Variants in SUPT3H observed in about 807,000 individuals in gnomAD.
The protein encoded by SUPT3H is SPT3 homolog, SAGA and STAGA complex component, also known as transcription initiation protein SPT3 homolog.
In SUPT3H, 44 loss-of-function variants were observed where a neutral mutation model predicts 44.3. The observed-to-expected ratio is 0.99, with a 90% CI of 0.78 to 1.28. The LOEUF is 1.28. Among genes scored for constraint, SUPT3H ranks in the 50% most tolerant of loss-of-function variants. The pLI, the probability that SUPT3H is intolerant of heterozygous loss-of-function variation, is 0.00. For missense variants in SUPT3H, 380 were observed against 387.1 expected (o/e 0.98, Z 0.15); for synonymous variants, 124 against 125.6 (o/e 0.99, Z 0.09).
intron 10 of SUPT3H, among the ~76,000 whole-genome samples, chr6:44,831,690 A>G (rs1768779444): frequency 6.6e-6 from 1 of 152,168 alleles, no homozygotes; most frequent in Non-Finnish European, 1.5e-5. Context: ...CCTTCTAAAC[A>G]TACAGTGTTG....
chr6:45,076,947 T>A (rs1284338742), intron 3 of SUPT3H, among the ~76,000 whole-genome samples: 2 of 152,188 alleles, frequency 1.3e-5, no homozygotes, highest in African/African-American at 4.8e-5. Flanking sequence ...CGAATATGGT[T>A]TGGTAGTTTT....
At chr6:44,922,749 TGAAA>T (rs1004244994) in intron 10 of SUPT3H, among the ~76,000 whole-genome samples, 2 of 152,322 alleles carry the variant, frequency 1.3e-5, no homozygotes, top group South Asian at 2.1e-4. Flanking sequence ...CTTAATGTAC[TGAAA>T]GAGTCATCTA....
Position 45,014,205 on chromosome 6 carries a change from T to C in SUPT3H, c.364+596A>G, listed in dbSNP as rs560588214. On this transcript the variant is annotated intron_variant, in intron 5 of 10. Coordinates refer to ENST00000371459, the MANE Select transcript of SUPT3H (RefSeq NM_003599.4). ...TTGTAAGACACACAAAATTAGAACA[T>C]ACAAATGAAGATAAGGGGGAAGATT... 3.3e-5 allele frequency among the ~76,000 whole-genome samples: 5 copies of C among 152,078 alleles called. No individual in the cohort carries two copies. The East Asian group carries it at 9.7e-4, about 29-fold the overall frequency.
intron 6 of SUPT3H, among the ~76,000 whole-genome samples, chr6:44,968,793 T>C (rs1009214720): frequency 5.3e-5 from 8 of 152,170 alleles, no homozygotes. Flanking sequence ...CTCTGACTCA[T>C]AAACAAATGG....
At chr6:45,087,660 C>A (rs1271149439) in intron 3 of SUPT3H, among the ~76,000 whole-genome samples, 4 of 151,472 alleles carry the variant, frequency 2.6e-5, no homozygotes, top group Non-Finnish European at 5.9e-5. Context: ...TAATTTACAC[C>A]TAATAATAAT....
In SUPT3H at chr6:45,230,429, G is replaced by A. The variant is rs114749912; in HGVS notation, c.102-124423C>T. On this transcript the variant is annotated intron_variant, in intron 2 of 10. Coordinates refer to ENST00000371459, the MANE Select transcript of SUPT3H (RefSeq NM_003599.4). ...ATGCCCCAGTGTGGGGGGGGCTTAT[G>A]TAACAATTGTTATATGAATTCTTCA... Among the ~76,000 whole-genome samples, 945 of 151,636 alleles carry A rather than the reference G, an allele frequency of 6.2e-3. 18 individuals are homozygous for A. The highest frequency in any genetic ancestry group is 0.022 in the African/African-American group (893 of 41,324).
At chr6:45,279,623 A>G (rs372155338) in intron 2 of SUPT3H, among the ~76,000 whole-genome samples, 1 of 152,216 alleles carries the variant, frequency 6.6e-6, no homozygotes, top group East Asian at 1.9e-4. Context: ...CTGAGGCATC[A>G]TAAGAAGTCA....
At chr6:45,186,079 G>T (rs1247124678) in intron 2 of SUPT3H, among the ~76,000 whole-genome samples, 1 of 152,140 alleles carries the variant, frequency 6.6e-6, no homozygotes, top group Non-Finnish European at 1.5e-5. Context: ...AGGCATCAGT[G>T]GGCTGAGGAG....
At chr6:45,230,565 A>ATCCACCCCT (rs1562745996) in intron 2 of SUPT3H, among the ~76,000 whole-genome samples, 1 of 146,896 alleles carries the variant, frequency 6.8e-6, no homozygotes, top group East Asian at 2.0e-4. Flanking sequence ...GACTATCCTT[A>ATCCACCCCT]TCCATCCCTT....
At position 45,020,546 on chromosome 6, in the gene SUPT3H, C is replaced by T. The variant is rs1191068591; in HGVS notation, c.273G>A (p.Lys91=). 2 of 1,608,140 alleles carry T rather than the reference C, an allele frequency of 1.2e-6. No homozygotes were observed. The highest frequency in any genetic ancestry group is 1.7e-6 in the Non-Finnish European group (2 of 1,176,196). The change falls in exon 4 of 11, where the codon AAG becomes AAA. Residue 91 remains lysine (K), a splice_region_variant and synonymous_variant. Coordinates refer to ENST00000371459, the MANE Select transcript of SUPT3H (RefSeq NM_003599.4). ...EDLLFLMRKD[K]KKLRRLLKYM... ...ATACAATAAAATTATGTTATATTAC[C>T]TTATCTTTGCGCATCAAAAACAGAA... is the stretch of plus-strand genomic sequence containing the variant.
chr6:45,179,870 G>A (rs1355349538), intron 2 of SUPT3H, among the ~76,000 whole-genome samples: 2 of 152,124 alleles, frequency 1.3e-5, no homozygotes, highest in East Asian at 3.9e-4. Context: ...TTCTGTCCAG[G>A]GCAATTAGGC....
At chr6:45,248,881 C>T (rs964510701) in intron 2 of SUPT3H, among the ~76,000 whole-genome samples, 31 of 150,268 alleles carry the variant, frequency 2.1e-4, no homozygotes, top group Non-Finnish European at 4.0e-4. Context: ...CGCCACTGCA[C>T]TCCAGCCTGG....
chr6:45,011,923 G>C (rs566713657), intron 5 of SUPT3H, among the ~76,000 whole-genome samples: 4 of 151,714 alleles, frequency 2.6e-5, no homozygotes, highest in Non-Finnish European at 5.9e-5. Context: ...ATTCATTTTT[G>C]AAAGATAGTT....
At chr6:45,304,260 A>G (rs922998253) in intron 2 of SUPT3H, among the ~76,000 whole-genome samples, 9 of 152,234 alleles carry the variant, frequency 5.9e-5, no homozygotes, top group African/African-American at 1.9e-4. Flanking sequence ...TGCTTTATAC[A>G]GGAAAATATT....
chr6:44,917,637 G>A (rs553949744), intron 10 of SUPT3H, among the ~76,000 whole-genome samples: 2 of 152,248 alleles, frequency 1.3e-5, no homozygotes, highest in East Asian at 3.9e-4. Context: ...ATTTTCAGGA[G>A]TATAAATGAA....
intron 10 of SUPT3H, among the ~76,000 whole-genome samples, chr6:44,899,579 T>G (rs613948): frequency 0.051 from 7,775 of 152,000 alleles, 259 homozygotes; most frequent in South Asian, 0.13. Context: ...CCCAGTTACA[T>G]GGGAGGCTGA....
chr6:45,096,242 G>A (rs1797766199), intron 3 of SUPT3H, among the ~76,000 whole-genome samples: 1 of 152,046 alleles, frequency 6.6e-6, no homozygotes, highest in Non-Finnish European at 1.5e-5. Context: ...CTGTAAATAT[G>A]TCAATTTCAT....
chr6:45,239,363 C>T (rs1272945786), intron 2 of SUPT3H, among the ~76,000 whole-genome samples: 2 of 152,224 alleles, frequency 1.3e-5, no homozygotes, highest in Admixed American at 6.5e-5. Flanking sequence ...GTATCTAATG[C>T]TACACACTTT....
At chr6:45,102,692 A>G (rs1039655849) in intron 3 of SUPT3H, among the ~76,000 whole-genome samples, 5 of 152,150 alleles carry the variant, frequency 3.3e-5, no homozygotes, top group African/African-American at 1.2e-4. Flanking sequence ...TTGTAATCGC[A>G]GCACTTTGGG....
Sources: allele counts gnomAD v4.1 joint callset (sites outside exome capture counted in the v4.1 genomes callset), GRCh38; gene constraint gnomAD v4.1.1; transcripts MANE v1.5; gene names NCBI Gene and HGNC (gene_info 2026-07-23, HGNC 2026-07-21).